Variants in KYAT3 observed in about 807,000 individuals in gnomAD.
The protein encoded by KYAT3 is kynurenine--oxoglutarate transaminase 3.
A neutral mutation model predicts 59.0 loss-of-function variants in KYAT3; 50 were observed. That is an observed-to-expected ratio of 0.85 (90% CI 0.68 to 1.07). KYAT3 has a LOEUF of 1.07. Ranked by LOEUF, KYAT3 falls within the 50% of genes least tolerant of loss-of-function variation. The probability of loss-of-function intolerance (pLI) is 0.00; values close to 1 mark genes in which losing one functional copy is unlikely to be tolerated. For synonymous variants in KYAT3, 148 were observed against 177.0 expected (o/e 0.84, Z 1.30); for missense variants, 497 against 533.3 (o/e 0.93, Z 0.67).
At chr1:88,985,404 T>C (rs1469076644) in intron 2 of KYAT3, among the ~76,000 whole-genome samples, 1 of 152,224 alleles carries the variant, frequency 6.6e-6, no homozygotes, top group Non-Finnish European at 1.5e-5. Flanking sequence ...ACAGGCTGTT[T>C]CTTCTGGGCA....
intron 13 of KYAT3, among the ~76,000 whole-genome samples, chr1:88,941,617 T>C (rs1371014160): frequency 6.6e-6 from 1 of 152,152 alleles, no homozygotes; most frequent in African/African-American, 2.4e-5. Context: ...TTAGTTAACA[T>C]TTCTACCTGG....
chr1:88,991,981 T>G (rs36005939), intron 1 of KYAT3, among the ~76,000 whole-genome samples: 159 of 48,944 alleles, frequency 3.2e-3, no homozygotes, highest in Non-Finnish European at 4.4e-3. Flanking sequence ...GGTATTCTTT[T>G]GGTTTTTTTT....
chr1:88,953,188 T>A, intron 9 of KYAT3, 36 bp from the exon 10 acceptor site: 1 of 1,354,374 alleles, frequency 7.4e-7, no homozygotes, highest in Non-Finnish European at 1.1e-6. Flanking sequence ...TCAGAAAATC[T>A]AATTGTATAT....
At chr1:88,969,373 C>A (rs781619874) in intron 3 of KYAT3, 36 bp downstream of exon 3, 5 of 1,252,956 alleles carry the variant, frequency 4.0e-6, no homozygotes, top group Middle Eastern at 1.9e-4. Flanking sequence ...ATGTAGGAAA[C>A]CCTCACTAAA....
chr1:88,931,878 T>C (rs1185159940), downstream of KYAT3, among the ~76,000 whole-genome samples: 2 of 9,706 alleles, frequency 2.1e-4, no homozygotes, highest in South Asian at 3.2e-3. Context: ...CTCCTGCAAC[T>C]GCAAAAAAAA....
intron 2 of KYAT3, among the ~76,000 whole-genome samples, chr1:88,970,668 A>G (rs1054720588): frequency 1.1e-4 from 17 of 152,352 alleles, no homozygotes; most frequent in African/African-American, 4.1e-4. Context: ...ATCACATAGC[A>G]TACAATTTTT....
Position 88,968,812 on chromosome 1 carries a change from A to G in KYAT3, c.161T>C (p.Ile54Thr), listed in dbSNP as rs775056611. 4 of 1,577,468 alleles carry G rather than the reference A, an allele frequency of 2.5e-6. No homozygotes were observed. Among genetic ancestry groups the G allele is most frequent in the Non-Finnish European group, 3.4e-6 (4 of 1,170,114 alleles). Residue 54 changes from isoleucine to threonine, a missense_variant and splice_region_variant, in exon 4 of 14, where the codon ATT (isoleucine) becomes ACT (threonine). Transcript: ENST00000260508. Reference sequence around the variant, plus strand: ...GTCTGCAGCCAATTTGGTAAATTCAATCCTAAGATTGAAAAAAATACTAAT... The same window carrying G: ...GTCTGCAGCCAATTTGGTAAATTCAGTCCTAAGATTGAAAAAAATACTAAT... ...RIEGLDSNVW[I>T]EFTKLAADPS...
the KYAT3 span, among the ~76,000 whole-genome samples, chr1:88,924,459 GA>G: frequency 0.036 from 5,438 of 150,038 alleles, 268 homozygotes; most frequent in African/African-American, 0.11. Context: ...TCTTATATCT[GA>G]AAAAAAAAAT....
chr1:88,924,927 C>T, the KYAT3 span, among the ~76,000 whole-genome samples: 12 of 152,234 alleles, frequency 7.9e-5, no homozygotes, highest in South Asian at 2.3e-3. Flanking sequence ...CCTTGGAATC[C>T]GTGAGGCCAA....
intron 1 of KYAT3, among the ~76,000 whole-genome samples, chr1:88,989,857 C>G (rs971206534): frequency 3.3e-5 from 5 of 152,198 alleles, no homozygotes; most frequent in Non-Finnish European, 7.3e-5. Context: ...CTCCATCATG[C>G]AATGTACTTC....
chr1:88,954,509 A>G (rs1435344301), intron 9 of KYAT3, among the ~76,000 whole-genome samples: 1 of 152,208 alleles, frequency 6.6e-6, no homozygotes, highest in African/African-American at 2.4e-5. Flanking sequence ...ACCTGCCAAA[A>G]TATTAGCTAC....
intron 2 of KYAT3, chr1:88,983,898 C>G: frequency 6.3e-7 from 1 of 1,583,814 alleles, no homozygotes; most frequent in Non-Finnish European, 8.7e-7. Context: ...ACAGGGGCTT[C>G]CTAGCAGCTC....
chr1:88,932,341 A>G (rs1674926866), downstream of KYAT3, among the ~76,000 whole-genome samples: 1 of 152,214 alleles, frequency 6.6e-6, no homozygotes, highest in African/African-American at 2.4e-5. Flanking sequence ...TTGATAGACT[A>G]TTAGACTATT....
intron 8 of KYAT3, among the ~76,000 whole-genome samples, chr1:88,959,249 C>T (rs868865888): frequency 6.4e-4 from 97 of 151,568 alleles, no homozygotes; most frequent in African/African-American, 2.3e-3. Context: ...GCACTCCAGC[C>T]TGGGTGACAC....
chr1:88,925,142 T>A, the KYAT3 span, among the ~76,000 whole-genome samples: 1 of 152,234 alleles, frequency 6.6e-6, no homozygotes, highest in Admixed American at 6.5e-5. Context: ...GCACCTGTCG[T>A]CCGGTTCGTC....
At chr1:88,964,690 A>C (rs1676271435) in intron 5 of KYAT3, 139 bp downstream of exon 5, 1 of 712,728 alleles carries the variant, frequency 1.4e-6, no homozygotes, top group Non-Finnish European at 2.4e-6. Context: ...AAGATTTGTG[A>C]ACTTTACTGT....
At chr1:88,927,186 T>C in the KYAT3 span, among the ~76,000 whole-genome samples, 1 of 152,066 alleles carries the variant, frequency 6.6e-6, no homozygotes, top group African/African-American at 2.4e-5. Context: ...GGTGCTGGCA[T>C]CCCTATGTTC....
chr1:88,977,078 G>C (rs778885597), intron 2 of KYAT3, among the ~76,000 whole-genome samples: 2 of 152,158 alleles, frequency 1.3e-5, no homozygotes, highest in Non-Finnish European at 2.9e-5. Context: ...GCAGTGGCAC[G>C]ATCTCGGCTT....
At chr1:88,940,183 C>T (rs755999275) in intron 13 of KYAT3, among the ~76,000 whole-genome samples, 2 of 152,070 alleles carry the variant, frequency 1.3e-5, no homozygotes, top group Non-Finnish European at 2.9e-5. Flanking sequence ...GATTCTCATG[C>T]CTCAGCCTCC....
Sources: allele counts gnomAD v4.1 joint callset (sites outside exome capture counted in the v4.1 genomes callset), GRCh38; gene constraint gnomAD v4.1.1; transcripts MANE v1.5; gene names NCBI Gene and HGNC (gene_info 2026-07-23, HGNC 2026-07-21).